Variants in SOX6 observed in about 807,000 individuals in gnomAD.
SOX6 encodes transcription factor SOX-6.
A neutral mutation model predicts 97.8 loss-of-function variants in SOX6; 11 were observed. That is an observed-to-expected ratio of 0.11 (90% CI 0.07 to 0.19). SOX6 has a LOEUF of 0.19. Ranked by LOEUF, SOX6 falls within the 10% of genes least tolerant of loss-of-function variation. The pLI, the probability that SOX6 is intolerant of heterozygous loss-of-function variation, is 1.00. For synonymous variants in SOX6, 360 were observed against 371.4 expected, an observed-to-expected ratio of 0.97 and a Z score of 0.35; for missense variants, 810 against 1,039.5, an observed-to-expected ratio of 0.78 and a Z score of 3.04.
intron 6 of SOX6, among the ~76,000 whole-genome samples, chr11:16,116,083 C>A (rs774827551): frequency 2.0e-5 from 3 of 151,942 alleles, no homozygotes; most frequent in Non-Finnish European, 4.4e-5. Context: ...CTCCAAGTGC[C>A]CTTTATTAAA....
At chr11:16,152,804 G>A (rs1850492133) in intron 6 of SOX6, among the ~76,000 whole-genome samples, 1 of 151,984 alleles carries the variant, frequency 6.6e-6, no homozygotes, top group South Asian at 2.1e-4. Context: ...CTATCGCCCA[G>A]GCGATTCTCA....
At chr11:16,602,803 C>A (rs1286402879) in intron 4 of SOX6, among the ~76,000 whole-genome samples, 1 of 152,086 alleles carries the variant, frequency 6.6e-6, no homozygotes, top group Non-Finnish European at 1.5e-5. Flanking sequence ...AGGCAGATCA[C>A]CTGAGGTCAG....
chr11:16,045,754 T>A (rs1263883013), intron 12 of SOX6, among the ~76,000 whole-genome samples: 2 of 152,168 alleles, frequency 1.3e-5, no homozygotes, highest in Non-Finnish European at 2.9e-5. Flanking sequence ...GGACTGTTGC[T>A]TCATTCAGAT....
chr11:16,451,987 T>TAAATAAATAAATAAAC (rs1859726903), intron 1 of SOX6, among the ~76,000 whole-genome samples: 2 of 147,416 alleles, frequency 1.4e-5, no homozygotes, highest in African/African-American at 5.2e-5. Context: ...TATCTAAAAA[T>TAAATAAATAAATAAAC]AAATAAATAA....
chr11:16,337,663 C>T (rs1452445646), intron 2 of SOX6, among the ~76,000 whole-genome samples: 1 of 152,024 alleles, frequency 6.6e-6, no homozygotes, highest in Non-Finnish European at 1.5e-5. Context: ...AACTTTCCAA[C>T]CTTCAAATGG....
chr11:16,500,212 A>G (rs915954492), intron 4 of SOX6, among the ~76,000 whole-genome samples: 2 of 152,128 alleles, frequency 1.3e-5, no homozygotes, highest in African/African-American at 4.8e-5. Flanking sequence ...ACAAAAACCA[A>G]ATGATTACCT....
At chr11:16,506,989 AG>A (rs56764430) in intron 4 of SOX6, among the ~76,000 whole-genome samples, 33,400 of 151,960 alleles carry the variant, frequency 0.22, 4,159 homozygotes, top group East Asian at 0.51. Context: ...ACTTGAGCCA[AG>A]AAGGCAGAGG....
chr11:16,261,114 C>A (rs1483768281), intron 3 of SOX6, among the ~76,000 whole-genome samples: 1 of 152,068 alleles, frequency 6.6e-6, no homozygotes, highest in Non-Finnish European at 1.5e-5. Context: ...TAAATCATGA[C>A]TTTTGTCATA....
At chr11:16,355,499 G>A (rs77775723) in intron 1 of SOX6, among the ~76,000 whole-genome samples, 14,005 of 151,900 alleles carry the variant, frequency 0.092, 761 homozygotes, top group Non-Finnish European at 0.13. Context: ...AAATCTCAAT[G>A]TAATACCAGT....
At chr11:16,537,467 G>A (rs576254573) in intron 4 of SOX6, among the ~76,000 whole-genome samples, 1 of 152,154 alleles carries the variant, frequency 6.6e-6, no homozygotes, top group Non-Finnish European at 1.5e-5. Flanking sequence ...ACTGGATGGA[G>A]AATGAGTTTG....
At chr11:16,664,681 G>C (rs574157648) in intron 3 of SOX6, among the ~76,000 whole-genome samples, 2 of 151,980 alleles carry the variant, frequency 1.3e-5, no homozygotes, top group South Asian at 4.1e-4. Context: ...CAGTGGACTC[G>C]GCGGGGCACA....
chr11:16,265,287 C>G (rs760973971), intron 3 of SOX6, among the ~76,000 whole-genome samples: 3 of 151,862 alleles, frequency 2.0e-5, no homozygotes, highest in Non-Finnish European at 4.4e-5. Flanking sequence ...TGGGAATAGT[C>G]CTATCTTCAC....
chr11:16,384,409 G>T (rs902188992), intron 1 of SOX6, among the ~76,000 whole-genome samples: 5 of 151,672 alleles, frequency 3.3e-5, no homozygotes, highest in Admixed American at 1.3e-4. Context: ...TAACATAAGA[G>T]AAAAATTTGA....
intron 1 of SOX6, among the ~76,000 whole-genome samples, chr11:16,470,540 C>A (rs1376373014): frequency 6.6e-6 from 1 of 152,058 alleles, no homozygotes; most frequent in Non-Finnish European, 1.5e-5. Context: ...CAGGGAGGAC[C>A]AAATGGTCCA....
chr11:16,541,329 G>A (rs1861404844), intron 4 of SOX6, among the ~76,000 whole-genome samples: 1 of 151,950 alleles, frequency 6.6e-6, no homozygotes. Flanking sequence ...ACTCAAGATG[G>A]ATTAAAGACT....
chr11:16,100,350 G>A (rs1321725862), intron 7 of SOX6, among the ~76,000 whole-genome samples: 2 of 151,718 alleles, frequency 1.3e-5, no homozygotes, highest in Non-Finnish European at 2.9e-5. Context: ...TCTGGCCCTT[G>A]CTACCTCTAG....
At chr11:16,479,432 A>G (rs1278529939), upstream of SOX6, among the ~76,000 whole-genome samples, 1 of 151,926 alleles carries the variant, frequency 6.6e-6, no homozygotes, top group Non-Finnish European at 1.5e-5. Flanking sequence ...CAGGAGGCTG[A>G]GACATGAGAA....
chr11:16,145,142 C>T (rs545307567), intron 6 of SOX6, among the ~76,000 whole-genome samples: 8 of 152,168 alleles, frequency 5.3e-5, no homozygotes, highest in Non-Finnish European at 7.3e-5. Context: ...CATCAAAAAC[C>T]TTATCCACCA....
intron 4 of SOX6, among the ~76,000 whole-genome samples, chr11:16,527,430 A>G (rs1861183542): frequency 6.6e-6 from 1 of 152,090 alleles, no homozygotes; most frequent in Non-Finnish European, 1.5e-5. Context: ...CTTGCTCAGT[A>G]ATCCTGAAAT....
Sources: gnomAD v4.1 joint callset for allele counts (sites outside exome capture counted in the v4.1 genomes callset) on GRCh38, gnomAD v4.1.1 for gene constraint, MANE v1.5 for transcripts, NCBI Gene and HGNC (gene_info 2026-07-23, HGNC 2026-07-21) for gene names.